SYT12: variants seen among roughly 807,000 people sequenced by gnomAD.
SYT12 encodes synaptotagmin-12.
SYT12 carries 27 observed loss-of-function variants against 39.5 expected under a neutral mutation model. The ratio of observed to expected loss-of-function variants is 0.68; its 90% CI spans 0.50 to 0.94. The LOEUF (loss-of-function observed/expected upper bound fraction) is 0.94, where lower values mean the gene tolerates loss of function less well. Among genes scored for constraint, SYT12 ranks in the 40% least tolerant of loss-of-function variants. The probability of loss-of-function intolerance (pLI) is 0.00; values close to 1 mark genes in which losing one functional copy is unlikely to be tolerated. For synonymous variants in SYT12, 233 were observed against 239.7 expected (o/e 0.97, Z 0.26); for missense variants, 536 against 572.6 (o/e 0.94, Z 0.65).
At chr11:67,018,316 TGCCTGTGGGGTAGC>T (rs1310759065), upstream of SYT12, among the ~76,000 whole-genome samples, 5 of 151,414 alleles carry the variant, frequency 3.3e-5, no homozygotes, top group Non-Finnish European at 5.9e-5. Context: ...CTGGGTACAC[TGCCTGTGGGGTAGC>T]CCTGCTCCAC....
rs749112099 is a variant in SYT12 at position 67,039,985 on chromosome 11, G to A, written c.403G>A (p.Asp135Asn). 1.9e-5 allele frequency: 30 copies of A among 1,613,632 alleles called. No individual in the cohort carries two copies. The highest frequency in any genetic ancestry group is 2.7e-5 in the African/African-American group (2 of 74,922). Residue 135 changes from aspartate (D) to asparagine (N), a missense_variant, in exon 4 of 8, where the codon GAC becomes AAC. Asp to Asn is a conservative substitution (Grantham distance 23, BLOSUM62 1). Transcript: ENST00000527043. ...GACCCTCCGGAAGTCCCAGTCGGCC[G>A]ACTCCCTGAACTCCATCTCCTCCGT... The part of the protein sequence containing the change: ...YGTLRKSQSA[D>N]SLNSISSVSN...
At chr11:67,044,994 G>A (rs976870617) in intron 6 of SYT12, among the ~76,000 whole-genome samples, 4 of 152,038 alleles carry the variant, frequency 2.6e-5, no homozygotes, top group South Asian at 4.1e-4. Flanking sequence ...GCAGGAGGCC[G>A]CACTCAGGGC....
chr11:67,014,001 C>T (rs987310599), intron 3 of SYT12, among the ~76,000 whole-genome samples: 1 of 152,138 alleles, frequency 6.6e-6, no homozygotes, highest in African/African-American at 2.4e-5. Context: ...AACTCCAGCC[C>T]CTGCCTCCGT....
At chr11:67,017,699 C>T (rs983447129) in intron 3 of SYT12, among the ~76,000 whole-genome samples, 1 of 151,838 alleles carries the variant, frequency 6.6e-6, no homozygotes, top group Non-Finnish European at 1.5e-5. Flanking sequence ...GTGGCTGACA[C>T]CTGTAATCCC....
intron 3 of SYT12, among the ~76,000 whole-genome samples, chr11:67,015,265 G>C (rs1950048342): frequency 6.6e-6 from 1 of 152,232 alleles, no homozygotes. Context: ...GGTCGCAACA[G>C]GAGGGCAGGG....
rs889701412 is a variant in SYT12 at position 67,050,702 on chromosome 11, C to G, written c.*1945C>G. 6.6e-6 allele frequency: 1 copy of G among 152,556 alleles called. No homozygotes were observed. Among genetic ancestry groups the G allele is most frequent in the Non-Finnish European group, 1.5e-5 (1 of 68,242 alleles). The allele number at this position is 152,556 out of a possible 1,614,324, so 9.5% of individuals were successfully genotyped here. On this transcript the variant is annotated 3_prime_UTR_variant, in exon 8 of 8. Coordinates refer to ENST00000527043, the MANE Select transcript of SYT12 (RefSeq NM_177963.4). ...CTGCCCTCTCCCCTCTCTCCCTCCC[C>G]CTAACTGCATGACATGTTAACTGTG... is the stretch of plus-strand genomic sequence containing the variant.
At chr11:67,042,462 A>G (rs1950530157) in intron 4 of SYT12, among the ~76,000 whole-genome samples, 1 of 152,192 alleles carries the variant, frequency 6.6e-6, no homozygotes, top group Non-Finnish European at 1.5e-5. Context: ...CCTGACGCCA[A>G]CAGGACAGAT....
In SYT12 at chr11:67,050,359, A is replaced by G. The variant is rs1178251701; in HGVS notation, c.*1602A>G. On this transcript the variant is annotated 3_prime_UTR_variant, in exon 8 of 8. Transcript: ENST00000527043. ...GGTGGGGCCACCCACAGGTGACAGC[A>G]TGGACCCTCAGGCTGGCTGCCCCTG... 1 of 152,454 alleles carries G rather than the reference A, an allele frequency of 6.6e-6. No homozygotes were observed. Among genetic ancestry groups the G allele is most frequent in the African/African-American group, 2.4e-5 (1 of 41,470 alleles). 9.4% of individuals were successfully genotyped at this position (152,454 alleles called of 1,614,324 possible).
chr11:67,012,158 G>T (rs935727770), intron 3 of SYT12, among the ~76,000 whole-genome samples: 2 of 151,330 alleles, frequency 1.3e-5, no homozygotes, highest in South Asian at 4.2e-4. Context: ...ATCACCTGAG[G>T]TCAGGAATTC....
chr11:67,037,342 A>G (rs1035232623), intron 3 of SYT12, among the ~76,000 whole-genome samples: 1 of 152,192 alleles, frequency 6.6e-6, no homozygotes, highest in Admixed American at 6.6e-5. Flanking sequence ...TACAAGCAAC[A>G]TAAATGTCCA....
upstream of SYT12, among the ~76,000 whole-genome samples, chr11:67,020,541 G>T (rs369629590): frequency 2.0e-5 from 3 of 152,286 alleles, no homozygotes; most frequent in African/African-American, 7.2e-5. Flanking sequence ...CAGGAGATGG[G>T]CACTGAGATC....
In SYT12 at chr11:67,048,616, C is replaced by T; in HGVS notation, c.1125C>T (p.Ser375=). Residue 375 remains serine (S), a synonymous_variant, in exon 8 of 8, where the codon AGC becomes AGT. Transcript: ENST00000527043. ...DLSLRVTVAE[S]SSDGRGDNVG... is the part of the protein sequence containing the mutation. ...CTCTCCGCGTGACGGTGGCTGAGAG[C>T]AGCAGCGACGGCCGTGGGGACAACG... 1.2e-6 allele frequency: 2 copies of T among 1,607,206 alleles called. No homozygotes were observed. Among genetic ancestry groups the T allele is most frequent in the Non-Finnish European group, 1.7e-6 (2 of 1,174,566 alleles).
intron 4 of SYT12, 82 bp downstream of exon 4, chr11:67,040,285 C>A (rs1400580344): frequency 1.0e-5 from 15 of 1,505,392 alleles, no homozygotes; most frequent in African/African-American, 4.2e-5. Flanking sequence ...TGGGGCCCGG[C>A]AGGATCCCAG....
At chr11:67,011,170 C>A (rs1950010611) in intron 3 of SYT12, among the ~76,000 whole-genome samples, 1 of 152,090 alleles carries the variant, frequency 6.6e-6, no homozygotes, top group African/African-American at 2.4e-5. Context: ...CCAGCCTGGG[C>A]AACATAATGA....
chr11:67,034,799 G>T lies in SYT12; in HGVS notation c.189G>T (p.Gln63His). The T allele has an allele frequency of 6.3e-7, 1 of 1,589,244 alleles. No individual in the cohort carries two copies. Residue 63 changes from glutamine to histidine, a missense_variant, in exon 3 of 8, where the codon CAG becomes CAT. Gln to His is a conservative substitution (Grantham distance 24). Transcript: ENST00000527043. ...PFPNYDYRYLQQKYGESCAEA... is the reference protein window; with the variant it reads ...PFPNYDYRYLHQKYGESCAEA... ...CCAATTACGACTACAGGTACCTTCA[G>T]CAGAAGTACGGCGAGAGCTGCGCAG... is the stretch of plus-strand genomic sequence containing the variant.
At position 67,045,554 on chromosome 11, in the gene SYT12, A is replaced by T. The variant is rs191559363; in HGVS notation, c.959-190A>T. Reference sequence around the variant, plus strand: ...GAGCACAAAGCCCAGCCCTCACCTGACGTGCTGTGTGAGCCTCAGTTTTCT... The same window carrying T: ...GAGCACAAAGCCCAGCCCTCACCTGTCGTGCTGTGTGAGCCTCAGTTTTCT... On this transcript the variant is annotated intron_variant, in intron 6 of 7. Transcript: ENST00000527043. The T allele has an allele frequency of 1.1e-3, 894 of 787,706 alleles. 2 individuals are homozygous for T. Among genetic ancestry groups the T allele is most frequent in the Non-Finnish European group, 1.4e-3 (697 of 508,660 alleles). The allele number at this position is 787,706 out of a possible 1,614,324, so 48.8% of individuals were successfully genotyped here. A position where few individuals can be genotyped will look rare whatever the true frequency, so the allele number is the denominator to read the frequency against.
At chr11:67,020,154 C>G (rs114088452), upstream of SYT12, among the ~76,000 whole-genome samples, 1,583 of 152,142 alleles carry the variant, frequency 0.01, 25 homozygotes, top group African/African-American at 0.036. Flanking sequence ...GGGCTTTGCT[C>G]GGAGGAGGTG....
chr11:67,035,658 C>T (rs1459541222), intron 3 of SYT12, among the ~76,000 whole-genome samples: 9 of 151,474 alleles, frequency 5.9e-5, no homozygotes, highest in Non-Finnish European at 8.8e-5. Flanking sequence ...GGGGTTTCAC[C>T]ATGTTAGCCA....
Position 67,030,209 on chromosome 11 carries a change from C to G in SYT12, c.34+31C>G, listed in dbSNP as rs774874083. ...TGCCCAGGGCAAACCCCTCCTGGATCACGCCTGCGAGACCCTTACACCAGG... is the reference window on the plus strand; with the variant it reads ...TGCCCAGGGCAAACCCCTCCTGGATGACGCCTGCGAGACCCTTACACCAGG... On this transcript the variant is annotated intron_variant, in intron 2 of 7. Coordinates refer to ENST00000527043, the MANE Select transcript of SYT12 (RefSeq NM_177963.4). 10 of 1,613,384 alleles carry G rather than the reference C, an allele frequency of 6.2e-6. No homozygotes were observed. The South Asian group carries it at 1.1e-4, about 18-fold the overall frequency.
Sources: allele counts gnomAD v4.1 joint callset (sites outside exome capture counted in the v4.1 genomes callset), GRCh38; gene constraint gnomAD v4.1.1; transcripts MANE v1.5; gene names NCBI Gene and HGNC (gene_info 2026-07-23, HGNC 2026-07-21).